Variants in PGBD5 observed in about 807,000 individuals in gnomAD.
The protein encoded by PGBD5 is piggyBac transposable element-derived protein 5.
Under a neutral mutation model 47.9 loss-of-function variants are expected in PGBD5, and 14 were observed. That is an observed-to-expected ratio of 0.29 (90% CI 0.19 to 0.46). The LOEUF (loss-of-function observed/expected upper bound fraction) is 0.46, where lower values mean the gene tolerates loss of function less well. Among genes scored for constraint, PGBD5 ranks in the 20% least tolerant of loss-of-function variants. The pLI, the probability that PGBD5 is intolerant of heterozygous loss-of-function variation, is 1.00. For missense variants in PGBD5, 635 were observed against 716.0 expected, an observed-to-expected ratio of 0.89 and a Z score of 1.29; for synonymous variants, 316 against 306.3, an observed-to-expected ratio of 1.03 and a Z score of -0.33.
Position 230,315,152 on chromosome 1 carries a change from C to A in PGBD5, c.*8273G>T, listed in dbSNP as rs909253760. On this transcript the variant is annotated 3_prime_UTR_variant, in exon 7 of 7. Coordinates refer to ENST00000391860, the MANE Select transcript of PGBD5 (RefSeq NM_001258311.2). The stretch of plus-strand genomic sequence containing the variant: ...AGTGAAGACCAGCATTGCCAGCCCA[C>A]TGACCCCAGTAGGGTCACCCCTGCC... 6.6e-6 allele frequency: 1 copy of A among 152,244 alleles called. No homozygotes were observed. The highest frequency in any genetic ancestry group is 2.4e-5 in the African/African-American group (1 of 41,456). 9.4% of individuals were successfully genotyped at this position (152,244 alleles called of 1,614,324 possible).
intron 1 of PGBD5, among the ~76,000 whole-genome samples, chr1:230,389,265 C>T (rs755894372): frequency 1.3e-5 from 2 of 151,870 alleles, no homozygotes; most frequent in Admixed American, 6.6e-5. Context: ...CCTCTGCCTC[C>T]GGGTTCAAGC....
rs969879501 is a variant in PGBD5, at chr1:230,319,810, TC to T, written c.*3614del. ...TTTGAAAGATGTCCCTAGTATAATG[TC>T]CCATGGACCACGGGAAGACGTTGTT... On this transcript the variant is annotated 3_prime_UTR_variant, in exon 7 of 7. Transcript: ENST00000391860. 1 of 150,380 alleles carries T rather than the reference TC, an allele frequency of 6.6e-6. No homozygotes were observed. Among genetic ancestry groups the T allele is most frequent in the Non-Finnish European group, 1.5e-5 (1 of 67,646 alleles). The allele number at this position is 150,380 out of a possible 1,614,324, so 9.3% of individuals were successfully genotyped here.
chr1:230,398,156 C>T (rs1657046322), intron 1 of PGBD5, among the ~76,000 whole-genome samples: 2 of 152,246 alleles, frequency 1.3e-5, no homozygotes, highest in South Asian at 4.1e-4. Context: ...CCCTGCCTTG[C>T]TTTCCTGTCT....
chr1:230,367,638 T>C (rs1872854), intron 1 of PGBD5, among the ~76,000 whole-genome samples: 96,065 of 151,618 alleles, frequency 0.63, 31,697 homozygotes, highest in Non-Finnish European at 0.74. Context: ...GCTGAGGCTA[T>C]AGTGAACCAC....
chr1:230,351,042 G>C lies in PGBD5; in HGVS notation c.810C>G (p.Cys270Trp), dbSNP rs1287860134. The C allele has an allele frequency of 6.2e-7, 1 of 1,613,864 alleles. No individual in the cohort carries two copies. The highest frequency in any genetic ancestry group is 1.3e-5 in the African/African-American group (1 of 74,910). ...IDEDPVFIAT[C>W]TERELRKRKK... ...TCCTCTTTCGCAGCTCCCGCTCTGT[G>C]CACGTGGCAATGAATACAGGATCCT... is the stretch of plus-strand genomic sequence containing the variant. The change falls in exon 3 of 7, where the codon TGC (cysteine) becomes TGG (tryptophan). Residue 270 changes from cysteine (C) to tryptophan (W), a missense_variant. By Grantham distance (215) the Cys-to-Trp change is radical. Coordinates refer to ENST00000391860, the MANE Select transcript of PGBD5 (RefSeq NM_001258311.2).
chr1:230,327,792 T>G (rs1212816508), intron 5 of PGBD5, among the ~76,000 whole-genome samples: 1 of 152,190 alleles, frequency 6.6e-6, no homozygotes, highest in Non-Finnish European at 1.5e-5. Context: ...CTCCTGAGGA[T>G]TCCTGTCCCC....
chr1:230,386,579 C>A lies in PGBD5; in HGVS notation c.332-29258G>T, dbSNP rs988827405. Among the ~76,000 whole-genome samples, 6 of 152,300 alleles carry A rather than the reference C, an allele frequency of 3.9e-5. 1 individual carries two copies. Among genetic ancestry groups the A allele is most frequent in the African/African-American group, 1.4e-4 (6 of 41,560 alleles). ...AGCAGTTGTCTTTATCAATCTTTGA[C>A]AGTTTGATAGAAATAAATGGTACTT... On this transcript the variant is annotated intron_variant, in intron 1 of 6. Coordinates refer to ENST00000391860, the MANE Select transcript of PGBD5 (RefSeq NM_001258311.2).
intron 1 of PGBD5, among the ~76,000 whole-genome samples, chr1:230,417,296 C>T (rs566500628): frequency 6.6e-6 from 1 of 152,228 alleles, no homozygotes; most frequent in African/African-American, 2.4e-5. Flanking sequence ...AAAGGAAGGA[C>T]CCCGGTGCTT....
intron 1 of PGBD5, among the ~76,000 whole-genome samples, chr1:230,365,784 C>T (rs535704192): frequency 6.6e-6 from 1 of 152,224 alleles, no homozygotes; most frequent in African/African-American, 2.4e-5. Context: ...GGGGGTCCCA[C>T]CTCTATGTGG....
rs2102807549 is a variant in PGBD5 at position 230,320,901 on chromosome 1, G to A, written c.*2524C>T. 6.6e-6 allele frequency: 1 copy of A among 152,358 alleles called. No homozygotes were observed. The highest frequency in any genetic ancestry group is 2.4e-5 in the African/African-American group (1 of 41,576). The allele number at this position is 152,358 out of a possible 1,614,324, so 9.4% of individuals were successfully genotyped here. On this transcript the variant is annotated 3_prime_UTR_variant, in exon 7 of 7. Transcript: ENST00000391860. ...CCTCCAGAGACCTGAAGTGGCCACT[G>A]AAGCCTCCCCTAGACCCGGCTCAAC...
Position 230,370,044 on chromosome 1 carries a change from GGA to G in PGBD5, c.332-12725_332-12724del, listed in dbSNP as rs148617086. Among the ~76,000 whole-genome samples the G allele has an allele frequency of 5.3e-5, 8 of 152,368 alleles. No homozygotes were observed. In the East Asian group the frequency reaches 1.5e-3, roughly 29 times the overall value. On this transcript the variant is annotated intron_variant, in intron 1 of 6. Transcript: ENST00000391860. ...AGGGCTCAGCTTCCTCATCTCACAA[GGA>G]GAGTTACGTTGATGACAGAGACGGG...
chr1:230,385,434 G>A (rs1237740206), intron 1 of PGBD5, among the ~76,000 whole-genome samples: 1 of 152,164 alleles, frequency 6.6e-6, no homozygotes, highest in South Asian at 2.1e-4. Context: ...AATGCAGAAA[G>A]GTTTTTGGAA....
At chr1:230,406,413 CTAATT>C (rs1353858434) in intron 1 of PGBD5, among the ~76,000 whole-genome samples, 1 of 148,890 alleles carries the variant, frequency 6.7e-6, no homozygotes, top group Non-Finnish European at 1.5e-5. Flanking sequence ...GTAATAGCTA[CTAATT>C]TTATAGGCAA....
At chr1:230,327,715 G>A (rs1338017826) in intron 5 of PGBD5, among the ~76,000 whole-genome samples, 2 of 152,226 alleles carry the variant, frequency 1.3e-5, no homozygotes, top group Non-Finnish European at 2.9e-5. Context: ...AGGGCTCAGC[G>A]CACCAGGCGC....
chr1:230,330,619 C>A (rs998012195), intron 5 of PGBD5, among the ~76,000 whole-genome samples: 2 of 152,156 alleles, frequency 1.3e-5, no homozygotes, highest in Non-Finnish European at 2.9e-5. Context: ...CAGGCAATTT[C>A]CCACTCATTC....
intron 6 of PGBD5, 93 bp downstream of exon 6, chr1:230,325,217 A>G (rs983656321): frequency 1.1e-4 from 103 of 969,488 alleles, no homozygotes; most frequent in Non-Finnish European, 1.5e-4. Context: ...CAGTTCTTAC[A>G]CTGGGGAAAC....
intron 1 of PGBD5, among the ~76,000 whole-genome samples, chr1:230,361,514 C>T (rs991264252): frequency 6.6e-6 from 1 of 152,152 alleles, no homozygotes; most frequent in Non-Finnish European, 1.5e-5. Context: ...CCTGGGTTCC[C>T]CACTCCCTCA....
intron 1 of PGBD5, among the ~76,000 whole-genome samples, chr1:230,388,477 A>G (rs576470585): frequency 1.7e-4 from 25 of 147,458 alleles, no homozygotes; most frequent in Admixed American, 1.0e-3. Context: ...GTGCAGTGGC[A>G]CGATGTCAGC....
intron 3 of PGBD5, among the ~76,000 whole-genome samples, chr1:230,344,698 A>C (rs941462209): frequency 6.6e-6 from 1 of 152,158 alleles, no homozygotes; most frequent in Non-Finnish European, 1.5e-5. Flanking sequence ...TGATGTGTGC[A>C]GGGGGTAGGA....
Sources: allele counts gnomAD v4.1 joint callset (sites outside exome capture counted in the v4.1 genomes callset), GRCh38; gene constraint gnomAD v4.1.1; transcripts MANE v1.5; gene names NCBI Gene and HGNC (gene_info 2026-07-23, HGNC 2026-07-21).